Variants in DENND1B observed in about 807,000 individuals in gnomAD.
The protein encoded by DENND1B is DENN domain containing 1B.
Under a neutral mutation model 90.1 loss-of-function variants are expected in DENND1B, and 59 were observed. That is an observed-to-expected ratio of 0.65 (90% CI 0.53 to 0.81). The LOEUF (loss-of-function observed/expected upper bound fraction) is 0.81. Ranked by LOEUF, DENND1B falls within the 40% of genes least tolerant of loss-of-function variation. The probability of loss-of-function intolerance (pLI) is 0.00; values close to 1 mark genes in which losing one functional copy is unlikely to be tolerated. For missense variants in DENND1B, 862 were observed against 912.6 expected (o/e 0.94, Z 0.71); for synonymous variants, 337 against 324.6 (o/e 1.04, Z -0.41).
intron 3 of DENND1B, among the ~76,000 whole-genome samples, chr1:197,675,446 A>G (rs1309993869): frequency 6.6e-6 from 1 of 152,126 alleles, no homozygotes; most frequent in East Asian, 1.9e-4. Flanking sequence ...TTGTAAAAAA[A>G]AAAATCATCT....
intron 18 of DENND1B, among the ~76,000 whole-genome samples, chr1:197,541,359 C>G (rs759404837): frequency 1.3e-5 from 2 of 152,098 alleles, no homozygotes; most frequent in East Asian, 3.9e-4. Context: ...AAAGTACATC[C>G]CCGCAGCAAA....
chr1:197,629,348 G>GA (rs949280039), intron 10 of DENND1B, among the ~76,000 whole-genome samples: 1 of 151,848 alleles, frequency 6.6e-6, no homozygotes, highest in South Asian at 2.1e-4. Flanking sequence ...TATGCAGCCA[G>GA]AAAAAATGAT....
intron 2 of DENND1B, among the ~76,000 whole-genome samples, chr1:197,745,701 A>G (rs1374545918): frequency 6.7e-6 from 1 of 150,064 alleles, no homozygotes; most frequent in East Asian, 1.9e-4. Context: ...TTGAGTTATA[A>G]CTGTCTGCTT....
At chr1:197,616,538 A>ATAT (rs1677662905) in intron 11 of DENND1B, among the ~76,000 whole-genome samples, 1 of 151,054 alleles carries the variant, frequency 6.6e-6, no homozygotes. Context: ...AATACTAATA[A>ATAT]TATTACCATG....
chr1:197,674,885 T>C (rs1017108917), intron 3 of DENND1B, among the ~76,000 whole-genome samples: 3 of 152,130 alleles, frequency 2.0e-5, no homozygotes, highest in Non-Finnish European at 4.4e-5. Flanking sequence ...CTGAATGATT[T>C]TGAAACCTTC....
At chr1:197,673,542 AG>A (rs1655744999) in intron 4 of DENND1B, among the ~76,000 whole-genome samples, 1 of 152,168 alleles carries the variant, frequency 6.6e-6, no homozygotes, top group Admixed American at 6.6e-5. Flanking sequence ...TTATGCTCAC[AG>A]GGCTGTATGT....
chr1:197,568,915 T>A (rs1326649993), intron 15 of DENND1B, among the ~76,000 whole-genome samples: 1 of 152,032 alleles, frequency 6.6e-6, no homozygotes, highest in Non-Finnish European at 1.5e-5. Flanking sequence ...ATTTTTTGGA[T>A]CATGACTTCA....
At position 197,698,202 on chromosome 1, in the gene DENND1B, A is replaced by C. The variant is rs180888576; in HGVS notation, c.126+16829T>G. ...TTCCTCAGCAAATGCAAAAGAACAGAAATCAAAACAGTCTCTCAGACCACA... is the reference window on the plus strand; with the variant it reads ...TTCCTCAGCAAATGCAAAAGAACAGCAATCAAAACAGTCTCTCAGACCACA... On this transcript the variant is annotated intron_variant, in intron 3 of 22. Coordinates refer to ENST00000620048, the MANE Select transcript of DENND1B (RefSeq NM_001195215.2). 2.6e-3 allele frequency among the ~76,000 whole-genome samples: 401 copies of C among 152,026 alleles called. 6 individuals are homozygous for C. The highest frequency in any genetic ancestry group is 0.024 in the Admixed American group (370 of 15,246).
chr1:197,650,318 A>C (rs546221844), intron 7 of DENND1B, among the ~76,000 whole-genome samples: 70 of 152,320 alleles, frequency 4.6e-4, no homozygotes, highest in African/African-American at 1.7e-3. Context: ...CACATCTACT[A>C]AACAAATATT....
At position 197,735,764 on chromosome 1, in the gene DENND1B, G is replaced by A. The variant is rs1441108839; in HGVS notation, c.83-20690C>T. ...AATGCGAATCGGCGTACTTTTCCAG[G>A]GGGAATCCTCGGCAGATAAGCTGGA... On this transcript the variant is annotated intron_variant, in intron 2 of 22. Coordinates refer to ENST00000620048, the MANE Select transcript of DENND1B (RefSeq NM_001195215.2). 2.5e-6 allele frequency: 4 copies of A among 1,611,734 alleles called. No homozygotes were observed. In the African/African-American group the frequency reaches 4.0e-5, roughly 16 times the overall value.
chr1:197,684,220 C>T (rs754001198), intron 3 of DENND1B, among the ~76,000 whole-genome samples: 9 of 152,070 alleles, frequency 5.9e-5, no homozygotes, highest in Non-Finnish European at 1.2e-4. Context: ...CCCATTTAAC[C>T]TTACAACAAC....
intron 2 of DENND1B, among the ~76,000 whole-genome samples, chr1:197,739,684 GA>G (rs1663032302): frequency 1.3e-5 from 2 of 151,910 alleles, no homozygotes; most frequent in African/African-American, 4.8e-5. Flanking sequence ...ACAGATGGGA[GA>G]AAAAAATGCA....
intron 2 of DENND1B, among the ~76,000 whole-genome samples, chr1:197,751,570 G>A (rs945999428): frequency 3.3e-4 from 50 of 152,120 alleles, no homozygotes; most frequent in African/African-American, 6.5e-4. Context: ...TCAGCCAGGC[G>A]CGGTGGCTCA....
intron 13 of DENND1B, among the ~76,000 whole-genome samples, chr1:197,602,981 T>C (rs1273444662): frequency 2.6e-5 from 4 of 151,316 alleles, no homozygotes; most frequent in Non-Finnish European, 5.9e-5. Context: ...ATAATATGTA[T>C]GATATTTTAG....
At chr1:197,780,364 T>C (rs1169200939), upstream of DENND1B, among the ~76,000 whole-genome samples, 5 of 150,634 alleles carry the variant, frequency 3.3e-5, no homozygotes, top group Non-Finnish European at 7.4e-5. Context: ...TCTCGCTCTG[T>C]CGCCAGGCTG....
intron 20 of DENND1B, among the ~76,000 whole-genome samples, chr1:197,536,211 G>A (rs1048277521): frequency 3.6e-5 from 5 of 140,080 alleles, no homozygotes; most frequent in African/African-American, 7.9e-5. Context: ...AGTAGGGAGA[G>A]AAGCTGATAT....
the DENND1B span, among the ~76,000 whole-genome samples, chr1:197,781,638 G>A: frequency 2.6e-5 from 4 of 152,156 alleles, no homozygotes; most frequent in South Asian, 2.1e-4. Flanking sequence ...AGATGGAGGT[G>A]GGGATTCGGG....
intron 9 of DENND1B, among the ~76,000 whole-genome samples, chr1:197,644,376 C>T (rs1389943996): frequency 6.6e-6 from 1 of 152,074 alleles, no homozygotes; most frequent in Non-Finnish European, 1.5e-5. Context: ...TTCCTTGAAA[C>T]TTTCAAAGTA....
intron 2 of DENND1B, among the ~76,000 whole-genome samples, chr1:197,772,190 C>A (rs1460593163): frequency 1.3e-5 from 2 of 152,080 alleles, no homozygotes; most frequent in African/African-American, 4.8e-5. Flanking sequence ...AGAATGTGCA[C>A]TAATGTTTAA....
Sources: gnomAD v4.1 joint callset for allele counts (sites outside exome capture counted in the v4.1 genomes callset) on GRCh38, gnomAD v4.1.1 for gene constraint, MANE v1.5 for transcripts, NCBI Gene and HGNC (gene_info 2026-07-23, HGNC 2026-07-21) for gene names.